Variants in RFESD observed in about 807,000 individuals in gnomAD.
RFESD encodes Rieske Fe-S domain containing, also known as Rieske domain-containing protein.
In RFESD, 16 loss-of-function variants were observed where a neutral mutation model predicts 24.4. That is an observed-to-expected ratio of 0.66 (90% confidence interval 0.44 to 1.00). RFESD has a LOEUF of 1.00. Among genes scored for constraint, RFESD ranks in the 50% least tolerant of loss-of-function variants. The pLI is 0.00. For synonymous variants in RFESD, 59 were observed against 81.8 expected (o/e 0.72, Z 1.50); for missense variants, 208 against 247.0 (o/e 0.84, Z 1.06).
rs1035439944 is a variant in RFESD at position 95,650,781 on chromosome 5, C to T, written c.-135-1356C>T. 2.6e-5 allele frequency among the ~76,000 whole-genome samples: 4 copies of T among 152,122 alleles called. No homozygotes were observed. The South Asian group carries it at 8.3e-4, about 32-fold the overall frequency. ...TGTAACCATTCTAAGCTAGGTACAC[C>T]GAGGTACAAATGCCTTCTTTAAAGA... On this transcript the variant is annotated intron_variant, in intron 1 of 5. Transcript: ENST00000380005.
intron 5 of RFESD, among the ~76,000 whole-genome samples, chr5:95,654,716 T>C (rs1750623062): frequency 6.6e-6 from 1 of 152,160 alleles, no homozygotes; most frequent in Non-Finnish European, 1.5e-5. Context: ...CATGCAATCA[T>C]TAAATTAATA....
intron 1 of RFESD, among the ~76,000 whole-genome samples, chr5:95,649,562 C>G (rs1386362002): frequency 6.6e-6 from 1 of 152,132 alleles, no homozygotes; most frequent in Non-Finnish European, 1.5e-5. Flanking sequence ...TGTGGTAGCA[C>G]TAATTTATGT....
At chr5:95,648,434 T>C (rs1415124720) in intron 1 of RFESD, among the ~76,000 whole-genome samples, 2 of 152,194 alleles carry the variant, frequency 1.3e-5, no homozygotes, top group African/African-American at 4.8e-5. Context: ...ATTGGGAGTT[T>C]ATGAATAGTT....
In RFESD at chr5:95,646,826, T is replaced by G. The variant is rs1750118954; in HGVS notation, c.-136+9T>G. The G allele has an allele frequency of 6.6e-6, 1 of 152,384 alleles. No homozygotes were observed. The highest frequency in any genetic ancestry group is 1.5e-5 in the Non-Finnish European group (1 of 68,182). 9.4% of individuals were successfully genotyped at this position (152,384 alleles called of 1,614,324 possible). A position where few individuals can be genotyped will look rare whatever the true frequency, so the allele number is the denominator to read the frequency against. ...GCGAGGACTCGGGGACAGTAAGTTC[T>G]GTTCTCGCCGCGCAGGGGGCGGGCT... On this transcript the variant is annotated intron_variant, in intron 1 of 5. Coordinates refer to ENST00000380005, the MANE Select transcript of RFESD (RefSeq NM_001131066.2).
chr5:95,655,930 GA>G (rs1197830670), intron 5 of RFESD, 115 bp from the exon 6 acceptor site: 22 of 890,830 alleles, frequency 2.5e-5, no homozygotes, highest in Non-Finnish European at 3.3e-5. Flanking sequence ...TACATAGGAG[GA>G]AAAAAAGAAA....
rs1750377500 is a variant in RFESD, at chr5:95,652,192, TGA to T, written c.-79_-78del. 4 of 1,475,034 alleles carry T rather than the reference TGA, an allele frequency of 2.7e-6. No homozygotes were observed. The African/African-American group carries it at 4.2e-5, about 16-fold the overall frequency. 91.4% of individuals were successfully genotyped at this position (1,475,034 alleles called of 1,614,324 possible). The stretch of plus-strand genomic sequence containing the variant: ...ATAAGACAGAGAAGAAAGCTGTGAA[TGA>T]ATTTCATTTGATTAGCAATAGATTG... On this transcript the variant is annotated 5_prime_UTR_variant, in exon 2 of 6. It removes an upstream start codon present in the reference 5' UTR. Coordinates refer to ENST00000380005, the MANE Select transcript of RFESD (RefSeq NM_001131066.2).
In RFESD at chr5:95,656,380, T is replaced by C. The variant is rs1221865324; in HGVS notation, c.*71T>C. 2.3e-6 allele frequency: 3 copies of C among 1,308,980 alleles called. No homozygotes were observed. The highest frequency in any genetic ancestry group is 3.2e-6 in the Non-Finnish European group (3 of 952,012). The allele number at this position is 1,308,980 out of a possible 1,614,324, so 81.1% of individuals were successfully genotyped here. A position where few individuals can be genotyped will look rare whatever the true frequency, so the allele number is the denominator to read the frequency against. ...TTTTTAGAATAACTCTGCTTCAGTTTTAAAGGTGATGAAATTTTTCAACAT... is the reference window on the plus strand; with the variant it reads ...TTTTTAGAATAACTCTGCTTCAGTTCTAAAGGTGATGAAATTTTTCAACAT... On this transcript the variant is annotated 3_prime_UTR_variant, in exon 6 of 6. Transcript: ENST00000380005.
At chr5:95,651,462 A>G (rs1750334502) in intron 1 of RFESD, among the ~76,000 whole-genome samples, 2 of 152,252 alleles carry the variant, frequency 1.3e-5, no homozygotes, top group East Asian at 3.9e-4. Flanking sequence ...TGGTATGATC[A>G]TAGCTCACTG....
Position 95,653,215 on chromosome 5 carries a change from G to A in RFESD, c.158+1G>A, listed in dbSNP as rs543837061. The A allele has an allele frequency of 6.4e-7, 1 of 1,551,594 alleles. No individual in the cohort carries two copies. The highest frequency in any genetic ancestry group is 2.4e-5 in the East Asian group (1 of 40,922). On this transcript the variant is annotated splice_donor_variant, in intron 3 of 5. Transcript: ENST00000380005. LOFTEE classifies it high-confidence loss of function. ...TCTCAGTGACCAGTTTTTATCTGAG[G>A]TAAGAAAATGAAAGGTTTTCATTCA...
chr5:95,654,371 T>C lies in RFESD; in HGVS notation c.369+4T>C. ...TTTACATTTGGGAGATATAGAGGTA[T>C]GTAAAATTAAATTTATTTTCAGCAA... On this transcript the variant is annotated splice_donor_region_variant and intron_variant, in intron 5 of 5. Coordinates refer to ENST00000380005, the MANE Select transcript of RFESD (RefSeq NM_001131066.2). 1 of 1,571,908 alleles carries C rather than the reference T, an allele frequency of 6.4e-7. No homozygotes were observed. The highest frequency in any genetic ancestry group is 1.4e-5 in the African/African-American group (1 of 73,462).
At chr5:95,655,068 A>T (rs768676141) in intron 5 of RFESD, among the ~76,000 whole-genome samples, 6 of 152,140 alleles carry the variant, frequency 3.9e-5, no homozygotes, top group Non-Finnish European at 7.4e-5. Context: ...TCTCTAACCG[A>T]TGCAAAGTAC....
chr5:95,650,543 A>AT (rs1750268287), intron 1 of RFESD, among the ~76,000 whole-genome samples: 1 of 152,198 alleles, frequency 6.6e-6, no homozygotes, highest in African/African-American at 2.4e-5. Context: ...ACTAACAGAG[A>AT]TTTTACTCTT....
In RFESD at chr5:95,652,145, C is replaced by A; in HGVS notation, c.-127C>A. 8.0e-7 allele frequency: 1 copy of A among 1,243,300 alleles called. No homozygotes were observed. Among genetic ancestry groups the A allele is most frequent in the Admixed American group, 2.9e-5 (1 of 34,664 alleles). The allele number at this position is 1,243,300 out of a possible 1,614,324, so 77.0% of individuals were successfully genotyped here. On this transcript the variant is annotated 5_prime_UTR_variant, in exon 2 of 6. Transcript: ENST00000380005. ...TGCCTTTTTTTTTCCAGGTTACCAC[C>A]TATTTGCAATTCAAGGAGAATATAA...
intron 1 of RFESD, among the ~76,000 whole-genome samples, chr5:95,651,420 G>T (rs1459494229): frequency 6.6e-6 from 1 of 151,796 alleles, no homozygotes; most frequent in East Asian, 1.9e-4. Context: ...TTAGAGACAG[G>T]GTCTCACTCT....
At chr5:95,650,217 TC>T (rs199796095) in intron 1 of RFESD, among the ~76,000 whole-genome samples, 2 of 151,708 alleles carry the variant, frequency 1.3e-5, no homozygotes, top group African/African-American at 4.8e-5. Context: ...TACTTTTCTA[TC>T]CCCCCCTTTA....
At chr5:95,653,844 G>C (rs1750522962) in intron 3 of RFESD, among the ~76,000 whole-genome samples, 1 of 152,196 alleles carries the variant, frequency 6.6e-6, no homozygotes, top group African/African-American at 2.4e-5. Flanking sequence ...GTTGCAGTGA[G>C]CTGAGATCGT....
intron 2 of RFESD, chr5:95,652,614 A>T: frequency 3.0e-6 from 1 of 328,886 alleles, no homozygotes; most frequent in Admixed American, 4.4e-5. Context: ...TTTCTGTAGC[A>T]TCTTCATTCA....
chr5:95,655,097 C>A (rs1195012796), intron 5 of RFESD, among the ~76,000 whole-genome samples: 2 of 152,132 alleles, frequency 1.3e-5, no homozygotes, highest in African/African-American at 2.4e-5. Flanking sequence ...ACTTAGCATT[C>A]CACTCTCTCT....
In RFESD at chr5:95,654,242, A is replaced by G. The variant is rs1421576878; in HGVS notation, c.334+6A>G. On this transcript the variant is annotated splice_donor_region_variant and intron_variant, in intron 4 of 5. Transcript: ENST00000380005. Reference sequence around the variant, plus strand: ...TATGGATATTCGCTGTTACCGTAAGATTTTATTTTTCATTTGTAAAACTTT... The same window carrying G: ...TATGGATATTCGCTGTTACCGTAAGGTTTTATTTTTCATTTGTAAAACTTT... 6.2e-7 allele frequency: 1 copy of G among 1,611,138 alleles called. No homozygotes were observed. The highest frequency in any genetic ancestry group is 8.5e-7 in the Non-Finnish European group (1 of 1,178,972).
Sources: allele counts gnomAD v4.1 joint callset (sites outside exome capture counted in the v4.1 genomes callset), GRCh38; gene constraint gnomAD v4.1.1; transcripts MANE v1.5; gene names NCBI Gene and HGNC (gene_info 2026-07-23, HGNC 2026-07-21).